Variants in ANKIB1 observed in about 807,000 individuals in gnomAD.
ANKIB1 encodes the protein ankyrin repeat and IBR domain-containing protein 1.
ANKIB1 carries 43 observed loss-of-function variants against 122.1 expected under a neutral mutation model. The observed-to-expected ratio is 0.35, with a 90% CI of 0.28 to 0.45. ANKIB1 has a LOEUF of 0.45. Ranked by LOEUF, ANKIB1 falls within the 20% of genes least tolerant of loss-of-function variation. The pLI, the probability that ANKIB1 is intolerant of heterozygous loss-of-function variation, is 1.00. For missense variants in ANKIB1, 992 were observed against 1,329.5 expected (o/e 0.75, Z 3.95); for synonymous variants, 390 against 442.0 (o/e 0.88, Z 1.48).
At chr7:92,326,012 C>T in intron 4 of ANKIB1, 1 of 422,580 alleles carries the variant, frequency 2.4e-6, no homozygotes, top group Middle Eastern at 3.5e-4. Context: ...GAGAAAGGTA[C>T]TTTCATTTTA....
intron 1 of ANKIB1, among the ~76,000 whole-genome samples, chr7:92,270,811 C>T (rs1319693995): frequency 7.2e-6 from 1 of 138,396 alleles, no homozygotes; most frequent in Non-Finnish European, 1.5e-5. Context: ...TGGTTTCTTG[C>T]ATTCAGCATG....
chr7:92,398,356 C>G lies in ANKIB1; in HGVS notation c.2677C>G (p.Pro893Ala), dbSNP rs1562803145. ...CTTAGGTGCGATAGGCACTTCTTTACCTTCCAGGCTGGACTCTGTCCCCAG... is the reference window on the plus strand; with the variant it reads ...CTTAGGTGCGATAGGCACTTCTTTAGCTTCCAGGCTGGACTCTGTCCCCAG... ...ASLGAIGTSL[P>A]SRLDSVPRNT... Residue 893 changes from proline to alanine, a missense_variant, in exon 20 of 20, where the codon CCT becomes GCT. Pro to Ala is a conservative substitution (Grantham distance 27). Transcript: ENST00000265742. 6.2e-7 allele frequency: 1 copy of G among 1,613,340 alleles called. No homozygotes were observed. The highest frequency in any genetic ancestry group is 8.5e-7 in the Non-Finnish European group (1 of 1,179,612).
chr7:92,273,602 G>A (rs1801842040), intron 1 of ANKIB1, among the ~76,000 whole-genome samples: 1 of 152,104 alleles, frequency 6.6e-6, no homozygotes, highest in Non-Finnish European at 1.5e-5. Flanking sequence ...AAAACAGGTG[G>A]AAGATTATAG....
intron 9 of ANKIB1, among the ~76,000 whole-genome samples, chr7:92,354,385 A>T (rs1324885606): frequency 6.6e-6 from 1 of 152,136 alleles, no homozygotes; most frequent in Admixed American, 6.5e-5. Flanking sequence ...TCAAGGGATA[A>T]ACTCACATGT....
intron 2 of ANKIB1, among the ~76,000 whole-genome samples, chr7:92,297,249 G>T (rs187087191): frequency 6.6e-6 from 1 of 152,264 alleles, no homozygotes; most frequent in East Asian, 1.9e-4. Context: ...TAAGCTTTGG[G>T]CTCTTAACCA....
chr7:92,334,097 A>G (rs1196870531), intron 5 of ANKIB1, among the ~76,000 whole-genome samples: 1 of 152,078 alleles, frequency 6.6e-6, no homozygotes, highest in Non-Finnish European at 1.5e-5. Flanking sequence ...AATCTGGGAG[A>G]TGGCACTCAT....
intron 10 of ANKIB1, among the ~76,000 whole-genome samples, chr7:92,369,035 T>C (rs1033122345): frequency 2.3e-4 from 35 of 152,318 alleles, no homozygotes; most frequent in African/African-American, 7.7e-4. Context: ...ACAATAATGT[T>C]GATGCTGAAA....
At chr7:92,292,091 A>G (rs541857529) in intron 1 of ANKIB1, among the ~76,000 whole-genome samples, 7 of 152,322 alleles carry the variant, frequency 4.6e-5, no homozygotes, top group Admixed American at 1.3e-4. Flanking sequence ...TTTTGATTCA[A>G]ACAGAGGGAA....
chr7:92,316,400 G>A (rs1802794666), intron 3 of ANKIB1, among the ~76,000 whole-genome samples: 1 of 152,184 alleles, frequency 6.6e-6, no homozygotes, highest in Non-Finnish European at 1.5e-5. Flanking sequence ...AGGTCAGCAA[G>A]CTGAAGTACT....
intron 1 of ANKIB1, among the ~76,000 whole-genome samples, chr7:92,287,005 A>G (rs755572534): frequency 1.3e-5 from 2 of 152,132 alleles, no homozygotes; most frequent in African/African-American, 2.4e-5. Flanking sequence ...GTTTCTATTC[A>G]TGCCTTCCTA....
At chr7:92,360,963 C>G (rs1585125609) in intron 9 of ANKIB1, among the ~76,000 whole-genome samples, 1 of 152,078 alleles carries the variant, frequency 6.6e-6, no homozygotes, top group African/African-American at 2.4e-5. Context: ...CTCCCAGACT[C>G]AAGTGATCCT....
intron 5 of ANKIB1, among the ~76,000 whole-genome samples, chr7:92,336,539 G>A (rs1004597712): frequency 1.3e-5 from 2 of 152,002 alleles, no homozygotes; most frequent in African/African-American, 2.4e-5. Context: ...TTGGATCTTA[G>A]ACAATTAGAG....
chr7:92,272,891 A>C (rs769044535), intron 1 of ANKIB1, among the ~76,000 whole-genome samples: 1 of 152,190 alleles, frequency 6.6e-6, no homozygotes, highest in Non-Finnish European at 1.5e-5. Context: ...CTCCTAGGCT[A>C]TAAACCTGTA....
At chr7:92,247,974 T>C (rs990327623) in intron 1 of ANKIB1, among the ~76,000 whole-genome samples, 1 of 152,210 alleles carries the variant, frequency 6.6e-6, no homozygotes, top group Admixed American at 6.5e-5. Context: ...TGAAGTAGGC[T>C]CAGGAGATGT....
At chr7:92,288,923 C>T (rs1802192946) in intron 1 of ANKIB1, among the ~76,000 whole-genome samples, 1 of 152,114 alleles carries the variant, frequency 6.6e-6, no homozygotes, top group South Asian at 2.1e-4. Flanking sequence ...TGCTCTGAAT[C>T]CTGGTACATT....
chr7:92,307,501 T>G lies in ANKIB1; in HGVS notation c.331T>G (p.Phe111Val). 1.2e-6 allele frequency: 2 copies of G among 1,613,904 alleles called. No individual in the cohort carries two copies. Among genetic ancestry groups the G allele is most frequent in the Non-Finnish European group, 1.7e-6 (2 of 1,179,882 alleles). ...PRLARPTEDD[F>V]RRADCLQMIL... Reference sequence around the variant, plus strand: ...CTTGGCACGCCCCACAGAAGATGATTTCAGAAGAGCAGATTGTCTGCAGAT... The same window carrying G: ...CTTGGCACGCCCCACAGAAGATGATGTCAGAAGAGCAGATTGTCTGCAGAT... The change falls in exon 3 of 20, where the codon TTC becomes GTC. Residue 111 changes from phenylalanine (F) to valine (V), a missense_variant. By Grantham distance (50) the Phe-to-Val change is conservative (BLOSUM62 -1). Transcript: ENST00000265742.
chr7:92,353,425 G>A (rs1206009157), intron 9 of ANKIB1, among the ~76,000 whole-genome samples: 1 of 152,146 alleles, frequency 6.6e-6, no homozygotes, highest in Non-Finnish European at 1.5e-5. Flanking sequence ...AGAAGATTCA[G>A]TTAACTGTTT....
At position 92,392,228 on chromosome 7, in the gene ANKIB1, A is replaced by G. The variant is rs190265658; in HGVS notation, c.2232-13A>G. On this transcript the variant is annotated splice_polypyrimidine_tract_variant and intron_variant, in intron 16 of 19. Transcript: ENST00000265742. Reference sequence around the variant, plus strand: ...TGATATTAAATCAAATGGTATGTCTAATTTCTTTGTAGCTTTGCTGGTGGA... The same window carrying G: ...TGATATTAAATCAAATGGTATGTCTGATTTCTTTGTAGCTTTGCTGGTGGA... The G allele has an allele frequency of 9.3e-6, 15 of 1,608,184 alleles. No individual in the cohort carries two copies. In the Admixed American group the frequency reaches 1.5e-4, roughly 16 times the overall value.
At chr7:92,297,132 A>G (rs753614295) in intron 2 of ANKIB1, among the ~76,000 whole-genome samples, 8 of 152,190 alleles carry the variant, frequency 5.3e-5, no homozygotes, top group Admixed American at 3.9e-4. Context: ...CCTCATTACA[A>G]TTTTATGAGG....
Sources: allele counts gnomAD v4.1 joint callset (sites outside exome capture counted in the v4.1 genomes callset), GRCh38; gene constraint gnomAD v4.1.1; transcripts MANE v1.5; gene names NCBI Gene and HGNC (gene_info 2026-07-23, HGNC 2026-07-21).